Variants in DOCK1 observed in about 807,000 individuals in gnomAD.
The protein encoded by DOCK1 is dedicator of cytokinesis 1.
A neutral mutation model predicts 262.7 loss-of-function variants in DOCK1; 138 were observed. That is an observed-to-expected ratio of 0.53 (90% CI 0.46 to 0.61). The LOEUF is 0.61. Ranked by LOEUF, DOCK1 falls within the 20% of genes least tolerant of loss-of-function variation. DOCK1 has a pLI of 0.00. For missense variants in DOCK1, 1,908 were observed against 2,370.7 expected (o/e 0.80, Z 4.05); for synonymous variants, 866 against 867.4 (o/e 1.00, Z 0.03).
intron 27 of DOCK1, among the ~76,000 whole-genome samples, chr10:127,133,242 GC>G (rs2050430946): frequency 6.6e-6 from 1 of 152,118 alleles, no homozygotes; most frequent in African/African-American, 2.4e-5. Context: ...AGTGAATAGT[GC>G]CTTTTACCCA....
At chr10:127,071,515 G>A (rs968129038) in intron 23 of DOCK1, among the ~76,000 whole-genome samples, 1 of 152,174 alleles carries the variant, frequency 6.6e-6, no homozygotes, top group African/African-American at 2.4e-5. Flanking sequence ...TATTTCTATT[G>A]GTTTTCTTCC....
At chr10:127,385,648 G>A (rs562994329) in intron 38 of DOCK1, among the ~76,000 whole-genome samples, 109 of 152,276 alleles carry the variant, frequency 7.2e-4, no homozygotes, top group Middle Eastern at 3.4e-3. Flanking sequence ...TTTCAACAAC[G>A]GGAATGTATT....
chr10:127,088,939 A>G (rs2047353574), intron 23 of DOCK1, among the ~76,000 whole-genome samples: 1 of 152,030 alleles, frequency 6.6e-6, no homozygotes, highest in African/African-American at 2.4e-5. Flanking sequence ...AAATGCCCCC[A>G]GCCTCCCTAC....
At chr10:126,936,610 C>T (rs1162289876) in intron 1 of DOCK1, among the ~76,000 whole-genome samples, 2 of 152,146 alleles carry the variant, frequency 1.3e-5, no homozygotes, top group African/African-American at 4.8e-5. Context: ...AGTTTGCCCA[C>T]CTCTGGTATT....
At chr10:127,186,942 G>A (rs907534462) in intron 27 of DOCK1, among the ~76,000 whole-genome samples, 1 of 152,152 alleles carries the variant, frequency 6.6e-6, no homozygotes, top group Admixed American at 6.5e-5. Context: ...TCTGTGGGCT[G>A]TTCCTTGAAT....
chr10:127,299,633 C>CTCTTGAACTGCAAGAATAACTTTA (rs1302195642), intron 29 of DOCK1, among the ~76,000 whole-genome samples: 1 of 152,196 alleles, frequency 6.6e-6, no homozygotes, highest in East Asian at 1.9e-4. Flanking sequence ...GACTTCTGGC[C>CTCTTGAACTGCAAGAATAACTTTA]TCTTGAACTG....
chr10:127,419,802 G>A, intron 46 of DOCK1, 53 bp downstream of exon 46: 1 of 1,534,302 alleles, frequency 6.5e-7, no homozygotes, highest in Admixed American at 1.9e-5. Flanking sequence ...AAGCTAGGAG[G>A]GTCTAGGCTC....
intron 43 of DOCK1, among the ~76,000 whole-genome samples, 193 bp downstream of exon 43, chr10:127,411,117 T>C (rs531932830): frequency 6.6e-6 from 1 of 152,168 alleles, no homozygotes; most frequent in Non-Finnish European, 1.5e-5. Flanking sequence ...TCACTAACAA[T>C]ATGACTAAGG....
chr10:126,964,549 A>G (rs910305028), intron 1 of DOCK1, among the ~76,000 whole-genome samples: 3 of 152,250 alleles, frequency 2.0e-5, no homozygotes, highest in African/African-American at 4.8e-5. Flanking sequence ...AGCGTTTCCA[A>G]CTGAAGGCAA....
chr10:127,076,586 G>C (rs2046569051), intron 23 of DOCK1, among the ~76,000 whole-genome samples: 1 of 152,238 alleles, frequency 6.6e-6, no homozygotes, highest in Non-Finnish European at 1.5e-5. Context: ...GTGAAAGGCA[G>C]AGTGTGCCCC....
At position 127,104,892 on chromosome 10, in the gene DOCK1, T is replaced by C. The variant is rs12260861; in HGVS notation, c.2446-1339T>C. ...ACAAAGTAATTAATGTCTCCATTGT[T>C]GGTTTTTTCCTCCTTCCTACTCAGC... On this transcript the variant is annotated intron_variant, in intron 23 of 51. Coordinates refer to ENST00000623213, the MANE Select transcript of DOCK1 (RefSeq NM_001290223.2). Among the ~76,000 whole-genome samples the C allele has an allele frequency of 6.6e-3, 1,005 of 152,316 alleles. 6 individuals carry two copies. Among genetic ancestry groups the C allele is most frequent in the Admixed American group, 0.012 (181 of 15,300 alleles).
chr10:126,970,714 A>T lies in DOCK1; in HGVS notation c.59A>T (p.Tyr20Phe). 1 of 1,611,668 alleles carries T rather than the reference A, an allele frequency of 6.2e-7. No homozygotes were observed. The highest frequency in any genetic ancestry group is 8.5e-7 in the Non-Finnish European group (1 of 1,177,932). ...EEKYGVAFYNYDARGADELSL... is the reference protein window; with the variant it reads ...EEKYGVAFYNFDARGADELSL... Reference sequence around the variant, plus strand: ...TTTTTCATCACAGCTTTTTATAACTATGATGCCAGAGGAGCGGATGAACTT... The same window carrying T: ...TTTTTCATCACAGCTTTTTATAACTTTGATGCCAGAGGAGCGGATGAACTT... Residue 20 changes from tyrosine (Y) to phenylalanine (F), a missense_variant, in exon 2 of 52, where the codon TAT (tyrosine) becomes TTT (phenylalanine). By Grantham distance (22) the Tyr-to-Phe change is conservative. Transcript: ENST00000623213.
rs150039111 is a variant in DOCK1 at position 127,099,342 on chromosome 10, G to A, written c.2446-6889G>A. Among the ~76,000 whole-genome samples, 22 of 152,224 alleles carry A rather than the reference G, an allele frequency of 1.4e-4. No homozygotes were observed. The East Asian group carries it at 2.7e-3, about 19-fold the overall frequency. On this transcript the variant is annotated intron_variant, in intron 23 of 51. Transcript: ENST00000623213. Reference sequence around the variant, plus strand: ...GGAGCTTATTGTCTATGGGGAATACGGACAAATTGACCTTCCATTGCAGTC... The same window carrying A: ...GGAGCTTATTGTCTATGGGGAATACAGACAAATTGACCTTCCATTGCAGTC...
intron 29 of DOCK1, among the ~76,000 whole-genome samples, chr10:127,283,894 C>T (rs561155332): frequency 6.6e-6 from 1 of 152,110 alleles, no homozygotes; most frequent in Admixed American, 6.5e-5. Flanking sequence ...GGACACATTC[C>T]CAGAAGTCGG....
intron 1 of DOCK1, among the ~76,000 whole-genome samples, chr10:126,966,325 G>T (rs1424073622): frequency 6.6e-6 from 1 of 152,142 alleles, no homozygotes; most frequent in African/African-American, 2.4e-5. Flanking sequence ...GGTTGACTGC[G>T]TATCTTGGGT....
At chr10:127,391,935 C>A (rs1229166713) in intron 38 of DOCK1, among the ~76,000 whole-genome samples, 1 of 151,866 alleles carries the variant, frequency 6.6e-6, no homozygotes, top group Non-Finnish European at 1.5e-5. Context: ...AGGGATTCTC[C>A]CATCTCCTCT....
At chr10:127,213,654 T>C (rs2058077039) in intron 27 of DOCK1, among the ~76,000 whole-genome samples, 1 of 152,204 alleles carries the variant, frequency 6.6e-6, no homozygotes, top group South Asian at 2.1e-4. Flanking sequence ...TTACAGTGTT[T>C]TCCTAACTTT....
At chr10:127,078,990 G>C (rs957824633) in intron 23 of DOCK1, among the ~76,000 whole-genome samples, 6 of 151,998 alleles carry the variant, frequency 3.9e-5, no homozygotes, top group East Asian at 3.9e-4. Flanking sequence ...TTAATCCCTT[G>C]CTTTTTGTTT....
At chr10:127,229,419 A>G (rs2058758621) in intron 27 of DOCK1, among the ~76,000 whole-genome samples, 1 of 152,140 alleles carries the variant, frequency 6.6e-6, no homozygotes, top group African/African-American at 2.4e-5. Flanking sequence ...CTTGGTAACC[A>G]CAATTCTACT....
Sources: allele counts gnomAD v4.1 joint callset (sites outside exome capture counted in the v4.1 genomes callset), GRCh38; gene constraint gnomAD v4.1.1; transcripts MANE v1.5; gene names NCBI Gene and HGNC (gene_info 2026-07-23, HGNC 2026-07-21).